ANKHD1: variants seen among roughly 807,000 people sequenced by gnomAD.
ANKHD1 encodes ankyrin repeat and KH domain containing 1.
A neutral mutation model predicts 230.5 loss-of-function variants in ANKHD1; 31 were observed. That is an observed-to-expected ratio of 0.13 (90% CI 0.10 to 0.18). The LOEUF (loss-of-function observed/expected upper bound fraction) is 0.18, where lower values mean the gene tolerates loss of function less well. Among genes scored for constraint, ANKHD1 ranks in the 10% least tolerant of loss-of-function variants. The pLI, the probability that ANKHD1 is intolerant of heterozygous loss-of-function variation, is 1.00. For missense variants in ANKHD1, 2,256 were observed against 3,071.3 expected (o/e 0.73, Z 6.27); for synonymous variants, 1,074 against 1,117.6 (o/e 0.96, Z 0.78).
intron 30 of ANKHD1, chr5:140,537,073 A>C (rs1754119874): frequency 5.3e-6 from 1 of 187,104 alleles, no homozygotes; most frequent in Non-Finnish European, 1.1e-5. Context: ...ATTTAGAGCT[A>C]GAATAAAAAC....
At chr5:140,484,909 T>G in intron 11 of ANKHD1, 2 of 665,562 alleles carry the variant, frequency 3.0e-6, no homozygotes, top group Non-Finnish European at 4.2e-6. Context: ...AGATGGGGCT[T>G]TTGGTATGTG....
intron 4 of ANKHD1, 59 bp from the exon 5 acceptor site, chr5:140,440,936 A>G (rs1042093237): frequency 6.9e-7 from 1 of 1,450,974 alleles, no homozygotes. Flanking sequence ...TATATTCTCT[A>G]GAAATACTAT....
chr5:140,476,474 C>T (rs1200842031), intron 10 of ANKHD1, among the ~76,000 whole-genome samples: 1 of 151,858 alleles, frequency 6.6e-6, no homozygotes, highest in Non-Finnish European at 1.5e-5. Flanking sequence ...AACGCATTAC[C>T]TACAAAAAAA....
intron 22 of ANKHD1, among the ~76,000 whole-genome samples, chr5:140,511,721 A>C (rs1185446721): frequency 2.6e-5 from 4 of 152,248 alleles, no homozygotes; most frequent in African/African-American, 9.6e-5. Flanking sequence ...ATCTTAAGGT[A>C]CATGGTTTAG....
intron 14 of ANKHD1, among the ~76,000 whole-genome samples, chr5:140,488,703 G>A (rs113467883): frequency 6.6e-6 from 1 of 151,734 alleles, no homozygotes; most frequent in Non-Finnish European, 1.5e-5. Flanking sequence ...AGTTTGAGAC[G>A]AGCCTGGCCG....
rs749795650 is a variant in ANKHD1, at chr5:140,507,939, C to G, written c.3706C>G (p.Arg1236Gly). Reference sequence around the variant, plus strand: ...TCTCACCCTGGCCTGTTTCCAGGGCCGAGCAGAAGTAGTGAGTTTGCTTCT... The same window carrying G: ...TCTCACCCTGGCCTGTTTCCAGGGCGGAGCAGAAGTAGTGAGTTTGCTTCT... ...TALTLACFQGRAEVVSLLLDR... is the reference protein window; with the variant it reads ...TALTLACFQGGAEVVSLLLDR... Residue 1236 changes from arginine to glycine, a missense_variant, in exon 20 of 34, where the codon CGA (arginine) becomes GGA (glycine). Physicochemically the swap from Arg to Gly is moderately radical, Grantham distance 125. Transcript: ENST00000360839. This position sits in a 1 kb window ranked among gnomAD's most constrained non-coding sequence, Gnocchi z 4.1. 1 of 1,613,880 alleles carries G rather than the reference C, an allele frequency of 6.2e-7. No homozygotes were observed. Among genetic ancestry groups the G allele is most frequent in the Non-Finnish European group, 8.5e-7 (1 of 1,179,906 alleles).
In ANKHD1 at chr5:140,539,065, A is replaced by G; in HGVS notation, c.7551A>G (p.Glu2517=). 1 of 1,606,744 alleles carries G rather than the reference A, an allele frequency of 6.2e-7. No homozygotes were observed. The highest frequency in any genetic ancestry group is 8.5e-7 in the Non-Finnish European group (1 of 1,177,556). The part of the protein sequence containing the change: ...PMIKVIQNST[E]CTDAQQIWPG... ...TAAAAGTTATCCAAAATTCAACTGA[A>G]TGCACTGATGCCCAGCAGGTAAAAT... The change falls in exon 33 of 34, where the codon GAA becomes GAG. Residue 2517 remains glutamate (E), a synonymous_variant. Coordinates refer to ENST00000360839, the MANE Select transcript of ANKHD1 (RefSeq NM_017747.3).
At position 140,445,983 on chromosome 5, in the gene ANKHD1, A is replaced by G. The variant is rs1227019421; in HGVS notation, c.1147+8A>G. On this transcript the variant is annotated splice_region_variant and intron_variant, in intron 6 of 33. Coordinates refer to ENST00000360839, the MANE Select transcript of ANKHD1 (RefSeq NM_017747.3). ...CACTTGCTTGCTACAAAGGTACTTA[A>G]TACATGTATGAATATTTATAATGTT... 1 of 1,574,674 alleles carries G rather than the reference A, an allele frequency of 6.4e-7. No individual in the cohort carries two copies. Among genetic ancestry groups the G allele is most frequent in the Non-Finnish European group, 8.6e-7 (1 of 1,158,634 alleles).
chr5:140,513,243 A>T, intron 23 of ANKHD1, 120 bp from the exon 24 acceptor site: 1 of 973,788 alleles, frequency 1.0e-6, no homozygotes, highest in Non-Finnish European at 1.5e-6. Context: ...AGGATAACTT[A>T]ATTTGGTTTA....
At chr5:140,531,039 T>C (rs1314718862) in intron 29 of ANKHD1, among the ~76,000 whole-genome samples, 2 of 152,342 alleles carry the variant, frequency 1.3e-5, no homozygotes, top group South Asian at 2.1e-4. Flanking sequence ...TTTTTTCCAT[T>C]CCTCTCTGTA....
chr5:140,502,433 A>G (rs190073322), intron 15 of ANKHD1, among the ~76,000 whole-genome samples: 21 of 152,330 alleles, frequency 1.4e-4, no homozygotes, highest in Non-Finnish European at 2.8e-4. Flanking sequence ...AGTACTTTTT[A>G]AAAGCCAACT....
At chr5:140,510,644 G>A (rs1752725386) in intron 22 of ANKHD1, among the ~76,000 whole-genome samples, 2 of 152,022 alleles carry the variant, frequency 1.3e-5, no homozygotes. Flanking sequence ...CTATGTGGTA[G>A]TTCACTATAA....
At position 140,527,410 on chromosome 5, in the gene ANKHD1, TG is replaced by T. The variant is rs1319389277; in HGVS notation, c.5087+337del. On this transcript the variant is annotated intron_variant, in intron 27 of 33. Transcript: ENST00000360839. This position sits in a 1 kb window ranked among gnomAD's most constrained non-coding sequence, Gnocchi z 4.5. ...TAATCAACTTTAGATTCAGAATACA[TG>T]TCAGCTCATCATTGACCTGAGGCTT... The T allele has an allele frequency of 4.1e-6, 1 of 241,448 alleles. No individual in the cohort carries two copies. Among genetic ancestry groups the T allele is most frequent in the Non-Finnish European group, 8.0e-6 (1 of 124,486 alleles). The allele number at this position is 241,448 out of a possible 1,614,324, so 15.0% of individuals were successfully genotyped here.
chr5:140,463,381 T>A (rs1248427333), intron 9 of ANKHD1, among the ~76,000 whole-genome samples: 1 of 152,144 alleles, frequency 6.6e-6, no homozygotes, highest in Non-Finnish European at 1.5e-5. Flanking sequence ...AGGCTCATCT[T>A]GTACAGTTCC....
At chr5:140,447,731 A>G (rs75339101) in intron 6 of ANKHD1, among the ~76,000 whole-genome samples, 3,038 of 152,278 alleles carry the variant, frequency 0.02, 107 homozygotes, top group African/African-American at 0.069. Flanking sequence ...GTTTGTATCC[A>G]CAAGGTTACA....
rs1277416007 is a variant in ANKHD1, at chr5:140,529,722, A to C, written c.6776A>C (p.Glu2259Ala). 2 of 1,614,166 alleles carry C rather than the reference A, an allele frequency of 1.2e-6. No homozygotes were observed. Among genetic ancestry groups the C allele is most frequent in the Non-Finnish European group, 1.7e-6 (2 of 1,180,038 alleles). ...FLGNSVLGHL[E>A]NMHPDNSKAP... ...GGTAACTCAGTGCTTGGACACTTGGAAAACATGCACCCTGATAACTCAAAG... is the reference window on the plus strand; with the variant it reads ...GGTAACTCAGTGCTTGGACACTTGGCAAACATGCACCCTGATAACTCAAAG... The change falls in exon 29 of 34, where the codon GAA (glutamate) becomes GCA (alanine). Residue 2259 changes from glutamate to alanine, a missense_variant. Glu to Ala is a moderately radical substitution (Grantham distance 107, BLOSUM62 -1). Transcript: ENST00000360839.
At chr5:140,522,354 G>T (rs868029110) in intron 24 of ANKHD1, among the ~76,000 whole-genome samples, 8 of 152,234 alleles carry the variant, frequency 5.3e-5, no homozygotes, top group Middle Eastern at 6.8e-3. Flanking sequence ...ACCACATTTT[G>T]TTTATCTGTT....
At chr5:140,468,318 C>A (rs1342290054) in intron 10 of ANKHD1, among the ~76,000 whole-genome samples, 2 of 151,620 alleles carry the variant, frequency 1.3e-5, no homozygotes, top group Non-Finnish European at 2.9e-5. Flanking sequence ...CACTGACTTA[C>A]CTCTGTAACC....
At chr5:140,449,635 C>G (rs1366436193) in intron 7 of ANKHD1, among the ~76,000 whole-genome samples, 30 of 148,490 alleles carry the variant, frequency 2.0e-4, no homozygotes, top group African/African-American at 6.7e-4. Flanking sequence ...GCACTCCAGC[C>G]TGGGCGATAG....
Sources: allele counts gnomAD v4.1 joint callset (sites outside exome capture counted in the v4.1 genomes callset), GRCh38; gene constraint gnomAD v4.1.1; non-coding constraint Gnocchi (gnomAD v3.1); transcripts MANE v1.5; gene names NCBI Gene and HGNC (gene_info 2026-07-23, HGNC 2026-07-21).